The following GMDS variants were observed in gnomAD, a reference collection of about 807,000 sequenced individuals.
GMDS encodes GDP-mannose 4,6 dehydratase.
A neutral mutation model predicts 49.9 loss-of-function variants in GMDS; 20 were observed. The observed-to-expected ratio is 0.40, with a 90% CI of 0.28 to 0.58. The LOEUF (loss-of-function observed/expected upper bound fraction) is 0.58, where lower values mean the gene tolerates loss of function less well. Ranked by LOEUF, GMDS falls within the 20% of genes least tolerant of loss-of-function variation. The pLI, the probability that GMDS is intolerant of heterozygous loss-of-function variation, is 0.42. For synonymous variants in GMDS, 177 were observed against 178.6 expected, an observed-to-expected ratio of 0.99 and a Z score of 0.07; for missense variants, 362 against 481.4, an observed-to-expected ratio of 0.75 and a Z score of 2.32.
In GMDS at chr6:1,765,819, C is replaced by T. The variant is rs558655394; in HGVS notation, c.772-23233G>A. On this transcript the variant is annotated intron_variant, in intron 7 of 10. Coordinates refer to ENST00000380815, the MANE Select transcript of GMDS (RefSeq NM_001500.4). ...CGATGGAGGGTTAGGGCTCGGAGCC[C>T]TTTAACTCCTTCGGCACAGTGGAGA... is the stretch of plus-strand genomic sequence containing the variant. 8.5e-5 allele frequency among the ~76,000 whole-genome samples: 13 copies of T among 152,260 alleles called. No individual in the cohort carries two copies. In the South Asian group the frequency reaches 2.1e-3, roughly 24 times the overall value.
chr6:2,158,021 A>G (rs1777194274), intron 1 of GMDS, among the ~76,000 whole-genome samples: 2 of 152,284 alleles, frequency 1.3e-5, no homozygotes, highest in Admixed American at 6.5e-5. Context: ...GGTAGCTGAA[A>G]CAAAAACAAA....
intron 1 of GMDS, among the ~76,000 whole-genome samples, chr6:2,183,267 A>G (rs1286651476): frequency 6.6e-6 from 1 of 152,238 alleles, no homozygotes; most frequent in Non-Finnish European, 1.5e-5. Context: ...TCACCATTCT[A>G]GATTCATGAT....
chr6:1,714,175 G>A (rs6596843), intron 9 of GMDS, among the ~76,000 whole-genome samples: 9,057 of 151,964 alleles, frequency 0.06, 896 homozygotes, highest in African/African-American at 0.21. Flanking sequence ...CCACCACCAC[G>A]CCCAGCTAAT....
intron 1 of GMDS, among the ~76,000 whole-genome samples, chr6:2,139,545 T>C (rs186219217): frequency 6.6e-6 from 1 of 152,316 alleles, no homozygotes; most frequent in East Asian, 1.9e-4. Context: ...AGAGGCTGTG[T>C]TCATGGCAGT....
intron 1 of GMDS, among the ~76,000 whole-genome samples, chr6:2,173,307 C>T (rs1338916865): frequency 6.6e-6 from 1 of 152,064 alleles, no homozygotes; most frequent in East Asian, 1.9e-4. Flanking sequence ...TTTTCATCTA[C>T]AGTAAGAAAT....
chr6:1,780,739 C>A (rs1248496403), intron 7 of GMDS, among the ~76,000 whole-genome samples: 1 of 152,224 alleles, frequency 6.6e-6, no homozygotes, highest in Admixed American at 6.5e-5. Flanking sequence ...GGCTCGCTCA[C>A]GCCATCACAG....
In GMDS at chr6:1,691,984, G is replaced by A. The variant is rs985712357; in HGVS notation, c.987+34432C>T. On this transcript the variant is annotated intron_variant, in intron 9 of 10. Transcript: ENST00000380815. ...CCAAAGGAGATCAACATTTGAGTCC[G>A]TGGACTGGGAGAAGCAGACCCACCC... Among the ~76,000 whole-genome samples, 16 of 152,146 alleles carry A rather than the reference G, an allele frequency of 1.1e-4. No individual in the cohort carries two copies. The East Asian group carries it at 1.3e-3, about 13-fold the overall frequency.
chr6:2,103,800 T>A (rs929161452), intron 4 of GMDS, among the ~76,000 whole-genome samples: 6 of 152,264 alleles, frequency 3.9e-5, no homozygotes, highest in African/African-American at 1.4e-4. Context: ...ATTATAATGA[T>A]GACTGTCATC....
intron 1 of GMDS, among the ~76,000 whole-genome samples, chr6:2,165,503 C>A (rs1047299031): frequency 6.6e-6 from 1 of 152,198 alleles, no homozygotes; most frequent in Admixed American, 6.5e-5. Context: ...GGATGGGGCC[C>A]ACCCACATTA....
chr6:1,651,118 T>C (rs934819488), intron 9 of GMDS, among the ~76,000 whole-genome samples: 3 of 152,202 alleles, frequency 2.0e-5, no homozygotes, highest in Admixed American at 6.5e-5. Context: ...CCTGCTGAGC[T>C]GCTATCTGGA....
chr6:1,738,900 G>C (rs985967471), intron 8 of GMDS, among the ~76,000 whole-genome samples: 9 of 152,206 alleles, frequency 5.9e-5, no homozygotes, highest in Admixed American at 4.6e-4. Flanking sequence ...CCCTCAAGCT[G>C]TCCCCACCAT....
chr6:1,909,853 C>T (rs1160061180), intron 7 of GMDS, among the ~76,000 whole-genome samples: 1 of 152,170 alleles, frequency 6.6e-6, no homozygotes, highest in Non-Finnish European at 1.5e-5. Flanking sequence ...TCTTTTCTCA[C>T]CGCTGCCCCT....
intron 7 of GMDS, among the ~76,000 whole-genome samples, chr6:1,839,293 CTT>C (rs1249857766): frequency 6.6e-6 from 1 of 152,168 alleles, no homozygotes; most frequent in Non-Finnish European, 1.5e-5. Context: ...GCTCATAAGA[CTT>C]AACTTTCTTT....
chr6:1,634,493 G>C (rs1475412288), intron 9 of GMDS, among the ~76,000 whole-genome samples: 1 of 152,174 alleles, frequency 6.6e-6, no homozygotes, highest in Non-Finnish European at 1.5e-5. Context: ...CCATACTCTT[G>C]TGTGTATGTG....
chr6:1,941,211 G>C (rs965624584), intron 6 of GMDS, among the ~76,000 whole-genome samples: 1 of 152,120 alleles, frequency 6.6e-6, no homozygotes, highest in Non-Finnish European at 1.5e-5. Context: ...GAATCTATAA[G>C]CCTGGCCTTC....
intron 7 of GMDS, among the ~76,000 whole-genome samples, chr6:1,827,162 C>T (rs1771159196): frequency 6.6e-6 from 1 of 150,876 alleles, no homozygotes. Context: ...TGCACACACA[C>T]ACACACACAT....
At chr6:1,958,981 C>T (rs139288776) in intron 6 of GMDS, among the ~76,000 whole-genome samples, 2 of 152,142 alleles carry the variant, frequency 1.3e-5, no homozygotes, top group Non-Finnish European at 2.9e-5. Flanking sequence ...AGAACTAGCA[C>T]GTTGCTACAG....
At chr6:2,143,533 A>G (rs1313007153) in intron 1 of GMDS, among the ~76,000 whole-genome samples, 1 of 152,166 alleles carries the variant, frequency 6.6e-6, no homozygotes, top group East Asian at 1.9e-4. Flanking sequence ...GCCTATTCTA[A>G]AGTAATTTTT....
At position 2,058,605 on chromosome 6, in the gene GMDS, A is replaced by G. The variant is rs549152183; in HGVS notation, c.345+57166T>C. Among the ~76,000 whole-genome samples, 6 of 152,310 alleles carry G rather than the reference A, an allele frequency of 3.9e-5. No homozygotes were observed. In the East Asian group the frequency reaches 1.2e-3, roughly 29 times the overall value. On this transcript the variant is annotated intron_variant, in intron 4 of 10. Transcript: ENST00000380815. ...ATGTTCAAGAATCTCTCCAACTACCATATTCAGGATTCCTGGGAAGGGATG... is the reference window on the plus strand; with the variant it reads ...ATGTTCAAGAATCTCTCCAACTACCGTATTCAGGATTCCTGGGAAGGGATG...
Sources: gnomAD v4.1 joint callset for allele counts (sites outside exome capture counted in the v4.1 genomes callset) on GRCh38, gnomAD v4.1.1 for gene constraint, MANE v1.5 for transcripts, NCBI Gene and HGNC (gene_info 2026-07-23, HGNC 2026-07-21) for gene names.